Variants in PRKG1 observed in about 807,000 individuals in gnomAD.
PRKG1 encodes protein kinase cGMP-dependent 1.
PRKG1 carries 35 observed loss-of-function variants against 88.1 expected under a neutral mutation model. The observed-to-expected ratio is 0.40, with a 90% CI of 0.30 to 0.53. PRKG1 has a LOEUF of 0.53. Ranked by LOEUF, PRKG1 falls within the 20% of genes least tolerant of loss-of-function variation. The pLI is 0.59. For synonymous variants in PRKG1, 303 were observed against 292.5 expected (o/e 1.04, Z -0.37); for missense variants, 540 against 839.8 (o/e 0.64, Z 4.41).
chr10:51,649,711 T>C (rs1163557023), intron 3 of PRKG1, among the ~76,000 whole-genome samples: 2 of 152,146 alleles, frequency 1.3e-5, no homozygotes, highest in African/African-American at 2.4e-5. Context: ...AAACACACTC[T>C]ATAGTGTGGG....
In PRKG1 at chr10:51,422,661, A is replaced by G. The variant is rs555222018; in HGVS notation, c.479-45062A>G. On this transcript the variant is annotated intron_variant, in intron 2 of 17. Transcript: ENST00000373980. ...TGTCCTTTTTCATCTTGAATCTTGTATGTTTCCAGGCCTCTGTCTAAGATT... is the reference window on the plus strand; with the variant it reads ...TGTCCTTTTTCATCTTGAATCTTGTGTGTTTCCAGGCCTCTGTCTAAGATT... Among the ~76,000 whole-genome samples, 13 of 149,330 alleles carry G rather than the reference A, an allele frequency of 8.7e-5. No individual in the cohort carries two copies. The South Asian group carries it at 1.7e-3, about 19-fold the overall frequency.
chr10:51,538,596 G>GA (rs1215464438), intron 3 of PRKG1, among the ~76,000 whole-genome samples: 1 of 149,576 alleles, frequency 6.7e-6, no homozygotes, highest in Non-Finnish European at 1.5e-5. Context: ...ATGAATGTCT[G>GA]AAAATTCTAC....
At chr10:51,628,160 CTTTATTTA>C (rs1382306868) in intron 3 of PRKG1, among the ~76,000 whole-genome samples, 2 of 51,188 alleles carry the variant, frequency 3.9e-5, no homozygotes, top group East Asian at 7.0e-4. Context: ...TTCTTTCTTT[CTTTATTTA>C]TTTCTTTTCT....
At chr10:51,953,994 G>A (rs1469878721) in intron 5 of PRKG1, among the ~76,000 whole-genome samples, 1 of 151,996 alleles carries the variant, frequency 6.6e-6, no homozygotes, top group Non-Finnish European at 1.5e-5. Flanking sequence ...GAAGGAAATT[G>A]TTTTCTCTCC....
Position 52,288,782 on chromosome 10 carries a change from T to C in PRKG1, c.1766T>C (p.Ile589Thr), listed in dbSNP as rs1842176201. 3 of 1,606,892 alleles carry C rather than the reference T, an allele frequency of 1.9e-6. No individual in the cohort carries two copies. Among genetic ancestry groups the C allele is most frequent in the African/African-American group, 2.7e-5 (2 of 74,482 alleles). The part of the protein sequence containing the change: ...MKTYNIILRG[I>T]DMIEFPKKIA... ...ACCTATAACATCATATTGAGGGGGA[T>C]TGACATGATAGAATTTCCAAAGAAG... Residue 589 changes from isoleucine (I) to threonine (T), a missense_variant, in exon 15 of 18, where the codon ATT becomes ACT. By Grantham distance (89) the Ile-to-Thr change is moderately conservative. Coordinates refer to ENST00000373980, the MANE Select transcript of PRKG1 (RefSeq NM_006258.4).
intron 9 of PRKG1, among the ~76,000 whole-genome samples, chr10:52,228,464 T>C (rs1438065096): frequency 6.6e-6 from 1 of 152,110 alleles, no homozygotes; most frequent in Non-Finnish European, 1.5e-5. Context: ...TTTCCATTCA[T>C]CCCCACTGGG....
chr10:51,892,440 C>T (rs1394169491), intron 4 of PRKG1, among the ~76,000 whole-genome samples: 1 of 152,026 alleles, frequency 6.6e-6, no homozygotes, highest in Admixed American at 6.6e-5. Flanking sequence ...ATTTATCTGC[C>T]CATATGTAGG....
chr10:51,527,173 A>G (rs1213546806), intron 3 of PRKG1, among the ~76,000 whole-genome samples: 1 of 152,102 alleles, frequency 6.6e-6, no homozygotes, highest in Non-Finnish European at 1.5e-5. Flanking sequence ...GGTGAAACAT[A>G]TGACTTTATA....
chr10:51,100,584 C>G (rs908500069), intron 1 of PRKG1, among the ~76,000 whole-genome samples: 2 of 152,112 alleles, frequency 1.3e-5, no homozygotes, highest in African/African-American at 4.8e-5. Context: ...ATAAGCATAG[C>G]CCATAGCCCT....
intron 3 of PRKG1, among the ~76,000 whole-genome samples, chr10:51,673,175 G>C (rs2132352821): frequency 6.6e-6 from 1 of 152,310 alleles, no homozygotes; most frequent in African/African-American, 2.4e-5. Context: ...AAACAGAGCA[G>C]AGTCTCCACT....
chr10:51,643,203 A>G (rs1026629399), intron 3 of PRKG1, among the ~76,000 whole-genome samples: 2 of 152,188 alleles, frequency 1.3e-5, no homozygotes, highest in African/African-American at 2.4e-5. Flanking sequence ...AGAATATAAC[A>G]TCAGTGATTT....
In PRKG1 at chr10:52,131,816, C is replaced by CAAAAAAAAAAAAAAAAAAA. The variant is rs71459439; in HGVS notation, c.936-2012_936-1994dup. Reference sequence around the variant, plus strand: ...GTGGGCAACAAGAGCGAAACTCCATCAAAAAAAAAAAAAAAAAAAAAAAAA... The same window carrying CAAAAAAAAAAAAAAAAAAA: ...GTGGGCAACAAGAGCGAAACTCCATCAAAAAAAAAAAAAAAAAAAAAAAAAAAAAAAAAAAAAAAAAAAA... On this transcript the variant is annotated intron_variant, in intron 7 of 17. Transcript: ENST00000373980. Among the ~76,000 whole-genome samples the CAAAAAAAAAAAAAAAAAAA allele has an allele frequency of 4.5e-5, 2 of 44,082 alleles. 1 individual carries two copies. The allele number at this position is 44,082 out of a possible 152,430, so 28.9% of individuals were successfully genotyped here.
chr10:52,111,976 C>A (rs1001130824), intron 7 of PRKG1, among the ~76,000 whole-genome samples: 1 of 152,136 alleles, frequency 6.6e-6, no homozygotes, highest in Non-Finnish European at 1.5e-5. Context: ...AACATCACAG[C>A]CTTCTATTCT....
intron 1 of PRKG1, among the ~76,000 whole-genome samples, chr10:50,996,356 A>G (rs1842837148): frequency 6.6e-6 from 1 of 152,198 alleles, no homozygotes; most frequent in Non-Finnish European, 1.5e-5. Context: ...CAACCACTAT[A>G]CTATATGAAC....
intron 9 of PRKG1, among the ~76,000 whole-genome samples, chr10:52,212,883 G>A (rs1322388858): frequency 6.6e-6 from 1 of 152,132 alleles, no homozygotes; most frequent in African/African-American, 2.4e-5. Context: ...TACCTTCAGT[G>A]AAAACACTAA....
At chr10:51,717,115 G>A (rs1457691994) in intron 3 of PRKG1, among the ~76,000 whole-genome samples, 2 of 152,210 alleles carry the variant, frequency 1.3e-5, no homozygotes, top group East Asian at 1.9e-4. Flanking sequence ...TTCCAGTAAG[G>A]AAGCCGTGAA....
In PRKG1 at chr10:51,101,060, A is replaced by T. The variant is rs1015829290; in HGVS notation, c.311+26159A>T. 6.6e-5 allele frequency among the ~76,000 whole-genome samples: 10 copies of T among 151,974 alleles called. No homozygotes were observed. In the South Asian group the frequency reaches 1.0e-3, roughly 16 times the overall value. On this transcript the variant is annotated intron_variant, in intron 1 of 17. Coordinates refer to ENST00000373980, the MANE Select transcript of PRKG1 (RefSeq NM_006258.4). ...CGCTAGGCACTAAGGAAAGTTGGAAATTTTTTTTCCTGTTACTGAATATTT... is the reference window on the plus strand; with the variant it reads ...CGCTAGGCACTAAGGAAAGTTGGAATTTTTTTTTCCTGTTACTGAATATTT...
At chr10:51,525,781 A>C (rs1221987341) in intron 3 of PRKG1, among the ~76,000 whole-genome samples, 1 of 152,106 alleles carries the variant, frequency 6.6e-6, no homozygotes, top group African/African-American at 2.4e-5. Flanking sequence ...CACCAACCTT[A>C]ATGTTTAAAA....
chr10:51,072,250 T>C (rs1278236572), upstream of PRKG1, among the ~76,000 whole-genome samples: 1 of 152,140 alleles, frequency 6.6e-6, no homozygotes. Context: ...CCTGGAATTC[T>C]GAACCCAGCT....
Sources: gnomAD v4.1 joint callset for allele counts (sites outside exome capture counted in the v4.1 genomes callset) on GRCh38, gnomAD v4.1.1 for gene constraint, MANE v1.5 for transcripts, NCBI Gene and HGNC (gene_info 2026-07-23, HGNC 2026-07-21) for gene names.